ANXA13: variants seen among roughly 807,000 people sequenced by gnomAD.
ANXA13 encodes annexin A13, also known as annexin XIII.
Under a neutral mutation model 46.6 loss-of-function variants are expected in ANXA13, and 36 were observed. That is an observed-to-expected ratio of 0.77 (90% confidence interval 0.59 to 1.02). ANXA13 has a LOEUF of 1.02. ANXA13 is among the 50% of genes least tolerant of loss of function. ANXA13 has a pLI of 0.00. For synonymous variants in ANXA13, 163 were observed against 152.9 expected (o/e 1.07, Z -0.49); for missense variants, 417 against 396.5 (o/e 1.05, Z -0.44).
At chr8:123,696,391 G>C (rs753049855) in intron 4 of ANXA13, among the ~76,000 whole-genome samples, 4 of 152,182 alleles carry the variant, frequency 2.6e-5, no homozygotes, top group Non-Finnish European at 5.9e-5. Context: ...ACAAGGCTTC[G>C]TTCAGTAACA....
intron 7 of ANXA13, 73 bp from the exon 8 acceptor site, chr8:123,693,371 C>T: frequency 7.6e-7 from 1 of 1,321,390 alleles, no homozygotes; most frequent in Non-Finnish European, 1.1e-6. Flanking sequence ...TGTGACTAGG[C>T]CTCACTGACA....
At chr8:123,688,765 G>T in intron 9 of ANXA13, 106 bp downstream of exon 9, 1 of 972,470 alleles carries the variant, frequency 1.0e-6, no homozygotes, top group East Asian at 2.5e-5. Context: ...TAGACCTGTT[G>T]ACCCCCAAAA....
intron 4 of ANXA13, among the ~76,000 whole-genome samples, chr8:123,697,144 C>G (rs902888050): frequency 2.0e-5 from 3 of 152,174 alleles, no homozygotes; most frequent in Admixed American, 2.0e-4. Flanking sequence ...TCCGTCTGAC[C>G]TCAAGTGATC....
At chr8:123,684,515 T>TA in intron 10 of ANXA13, 95 bp downstream of exon 10, 3 of 842,710 alleles carry the variant, frequency 3.6e-6, no homozygotes, top group Non-Finnish European at 5.9e-6. Context: ...ACTTTTTCTG[T>TA]AAATAGGCCC....
chr8:123,737,157 G>A (rs1028436701), intron 1 of ANXA13, among the ~76,000 whole-genome samples, 163 bp downstream of exon 1: 6 of 151,814 alleles, frequency 4.0e-5, no homozygotes, highest in Non-Finnish European at 8.8e-5. Context: ...CACCGCACCC[G>A]GCCTCAATGC....
At chr8:123,699,362 G>A (rs1286740755) in intron 3 of ANXA13, among the ~76,000 whole-genome samples, 1 of 152,030 alleles carries the variant, frequency 6.6e-6, no homozygotes, top group African/African-American at 2.4e-5. Context: ...AAATTTTTTT[G>A]TGTAGAGATG....
intron 1 of ANXA13, among the ~76,000 whole-genome samples, chr8:123,734,503 C>G (rs1814204649): frequency 6.6e-6 from 1 of 152,030 alleles, no homozygotes; most frequent in Admixed American, 6.6e-5. Context: ...AGGTTAGTTA[C>G]AAACACTAGG....
At chr8:123,726,314 T>C (rs1813991429) in intron 1 of ANXA13, among the ~76,000 whole-genome samples, 1 of 152,222 alleles carries the variant, frequency 6.6e-6, no homozygotes, top group South Asian at 2.1e-4. Context: ...GATATTTACT[T>C]ATCAAAGGTG....
At chr8:123,697,023 C>T (rs1813352362) in intron 4 of ANXA13, among the ~76,000 whole-genome samples, 1 of 152,190 alleles carries the variant, frequency 6.6e-6, no homozygotes, top group Non-Finnish European at 1.5e-5. Flanking sequence ...GATCCTCCTG[C>T]CTCAGCCTCT....
intron 2 of ANXA13, among the ~76,000 whole-genome samples, chr8:123,709,252 G>A (rs1027193232): frequency 6.6e-6 from 1 of 152,192 alleles, no homozygotes; most frequent in Admixed American, 6.5e-5. Context: ...CCCTCTCCAT[G>A]TGAGGAGACA....
At chr8:123,716,935 A>G (rs1813768605) in intron 1 of ANXA13, among the ~76,000 whole-genome samples, 1 of 152,158 alleles carries the variant, frequency 6.6e-6, no homozygotes, top group African/African-American at 2.4e-5. Flanking sequence ...GGGGTCTGAC[A>G]AGCTTGTGAG....
chr8:123,702,530 G>A, intron 3 of ANXA13, 112 bp downstream of exon 3: 1 of 830,104 alleles, frequency 1.2e-6, no homozygotes, highest in South Asian at 1.6e-5. Context: ...TTTTCCTCCT[G>A]GGCTGACTCA....
chr8:123,735,687 G>A, intron 1 of ANXA13: 1 of 1,473,112 alleles, frequency 6.8e-7, no homozygotes. Context: ...GATCACTGGG[G>A]GCTCATATTG....
In ANXA13 at chr8:123,695,585, C is replaced by T. The variant is rs79998912; in HGVS notation, c.392-4G>A. On this transcript the variant is annotated splice_region_variant and splice_polypyrimidine_tract_variant and intron_variant, in intron 5 of 10. Transcript: ENST00000419625. ...GATTCGAGGCTCCTATCAAATACTT[C>T]GAAGGAAGTAAACAAGGAGGGAAGA... 3.4e-3 allele frequency: 5,463 copies of T among 1,613,566 alleles called. 171 individuals are homozygous for T. The African/African-American group carries it at 0.062, about 18-fold the overall frequency.
Sources: gnomAD v4.1 joint callset for allele counts (sites outside exome capture counted in the v4.1 genomes callset) on GRCh38, gnomAD v4.1.1 for gene constraint, MANE v1.5 for transcripts, NCBI Gene and HGNC (gene_info 2026-07-23, HGNC 2026-07-21) for gene names.